CRACR2A: variants seen among roughly 807,000 people sequenced by gnomAD.
CRACR2A encodes the protein calcium release activated channel regulator 2A.
CRACR2A carries 79 observed loss-of-function variants against 90.5 expected under a neutral mutation model. The observed-to-expected ratio is 0.87, with a 90% CI of 0.73 to 1.05. CRACR2A has a LOEUF of 1.05. CRACR2A is among the 50% of genes least tolerant of loss of function. The pLI, the probability that CRACR2A is intolerant of heterozygous loss-of-function variation, is 0.00. For synonymous variants in CRACR2A, 338 were observed against 356.7 expected (o/e 0.95, Z 0.59); for missense variants, 823 against 897.2 (o/e 0.92, Z 1.06).
intron 17 of CRACR2A, among the ~76,000 whole-genome samples, chr12:3,622,630 A>ATGTGTGTG (rs141796637): frequency 6.6e-6 from 1 of 150,434 alleles, no homozygotes; most frequent in Admixed American, 6.6e-5. Context: ...GCCTATGTGC[A>ATGTGTGTG]TGTGTGTGTG....
chr12:3,659,539 C>G (rs10848906), intron 8 of CRACR2A, 25 bp downstream of exon 8: 1 of 1,610,276 alleles, frequency 6.2e-7, no homozygotes. Flanking sequence ...GGCCTCAGAG[C>G]CAAGCCTGGG....
At chr12:3,634,123 G>A (rs555290116) in intron 14 of CRACR2A, among the ~76,000 whole-genome samples, 1 of 152,158 alleles carries the variant, frequency 6.6e-6, no homozygotes, top group African/African-American at 2.4e-5. Flanking sequence ...CTTCAAGAGG[G>A]GGCAGGAATT....
Position 3,641,856 on chromosome 12 carries a change from G to T in CRACR2A, c.1165-18C>A. 6.5e-7 allele frequency: 1 copy of T among 1,549,306 alleles called. No individual in the cohort carries two copies. The highest frequency in any genetic ancestry group is 8.7e-7 in the Non-Finnish European group (1 of 1,144,874). On this transcript the variant is annotated intron_variant, in intron 12 of 19. Coordinates refer to ENST00000440314, the MANE Select transcript of CRACR2A (RefSeq NM_001144958.2). The stretch of plus-strand genomic sequence containing the variant: ...TTATTTTTCTGTAGAAACACAAAAT[G>T]TCCTCAGATCCATGCCTATTTGCTC...
intron 8 of CRACR2A, among the ~76,000 whole-genome samples, chr12:3,658,832 T>A (rs550524929): frequency 2.7e-4 from 41 of 150,818 alleles, no homozygotes; most frequent in East Asian, 7.8e-4. Flanking sequence ...TTTTTTTTTT[T>A]AAATTAGTTT....
chr12:3,692,415 C>T (rs1945663347), intron 4 of CRACR2A, among the ~76,000 whole-genome samples: 1 of 151,852 alleles, frequency 6.6e-6, no homozygotes, highest in Non-Finnish European at 1.5e-5. Context: ...CAATGCTCAG[C>T]TCCCAACTCC....
At chr12:3,667,945 T>A (rs1283214003) in intron 7 of CRACR2A, among the ~76,000 whole-genome samples, 3 of 152,226 alleles carry the variant, frequency 2.0e-5, no homozygotes, top group Non-Finnish European at 4.4e-5. Flanking sequence ...AAATTGCCGA[T>A]TGGATTTTCA....
At position 3,673,463 on chromosome 12, in the gene CRACR2A, C is replaced by G. The variant is rs567349627; in HGVS notation, c.654G>C (p.Leu218=). ...GTACCCACCTTTTTAGGGCACACTCCAGTTCATTCTTCTCCTCATGGGCTT... is the reference window on the plus strand; with the variant it reads ...GTACCCACCTTTTTAGGGCACACTCGAGTTCATTCTTCTCCTCATGGGCTT... ...LQEAHEEKNE[L]ECALKRKIAA... Residue 218 remains leucine, a synonymous_variant, in exon 7 of 20, where the codon CTG becomes CTC. Coordinates refer to ENST00000440314, the MANE Select transcript of CRACR2A (RefSeq NM_001144958.2). 5 of 1,613,818 alleles carry G rather than the reference C, an allele frequency of 3.1e-6. No homozygotes were observed. The South Asian group carries it at 3.3e-5, about 11-fold the overall frequency.
chr12:3,640,665 C>T (rs1238955088), intron 13 of CRACR2A: 3 of 1,305,434 alleles, frequency 2.3e-6, no homozygotes, highest in South Asian at 2.5e-5. Flanking sequence ...AGCTGATTTA[C>T]ATCTCCAGAG....
intron 4 of CRACR2A, among the ~76,000 whole-genome samples, chr12:3,695,974 G>C (rs1945732718): frequency 6.6e-6 from 1 of 152,256 alleles, no homozygotes; most frequent in Admixed American, 6.5e-5. Context: ...GGTGTGGCTA[G>C]TGAGTTAAGC....
chr12:3,638,667 G>C (rs528088252), intron 13 of CRACR2A, among the ~76,000 whole-genome samples: 2 of 152,310 alleles, frequency 1.3e-5, no homozygotes, highest in Admixed American at 1.3e-4. Flanking sequence ...TGCTGTGGCA[G>C]ATGATGACAA....
chr12:3,750,551 C>T (rs891418581), intron 1 of CRACR2A, among the ~76,000 whole-genome samples: 23 of 152,294 alleles, frequency 1.5e-4, no homozygotes, highest in Admixed American at 3.3e-4. Context: ...GGGAAACATA[C>T]GAGGGAAACA....
chr12:3,629,513 A>G (rs1380810527), intron 15 of CRACR2A, among the ~76,000 whole-genome samples: 1 of 152,230 alleles, frequency 6.6e-6, no homozygotes, highest in Non-Finnish European at 1.5e-5. Flanking sequence ...ATACAGCTTC[A>G]GGGCCAGATC....
intron 2 of CRACR2A, among the ~76,000 whole-genome samples, chr12:3,720,416 GAAGAAAGAAAGAAAGAAAGAAAGA>G (rs554793478): frequency 0.15 from 16,352 of 106,696 alleles, 1,230 homozygotes; most frequent in Middle Eastern, 0.25. Flanking sequence ...TGAGAGAGAG[GAAGAAAGAAAGAAAGAAAGAAAGA>G]AAGAAAGAAA....
chr12:3,673,393 G>A, intron 7 of CRACR2A, 53 bp downstream of exon 7: 1 of 1,570,100 alleles, frequency 6.4e-7, no homozygotes, highest in Non-Finnish European at 8.6e-7. Flanking sequence ...TGCACCGTGT[G>A]TCTCTCTTTT....
At chr12:3,675,635 T>G (rs1030781826) in intron 6 of CRACR2A, among the ~76,000 whole-genome samples, 1 of 152,176 alleles carries the variant, frequency 6.6e-6, no homozygotes, top group African/African-American at 2.4e-5. Context: ...AATTACGCCA[T>G]TATTTGTTTT....
At chr12:3,664,880 G>A (rs539123884) in intron 7 of CRACR2A, among the ~76,000 whole-genome samples, 25 of 152,298 alleles carry the variant, frequency 1.6e-4, no homozygotes, top group African/African-American at 5.5e-4. Context: ...GGTGGTACAC[G>A]TCTGTAGCCC....
intron 7 of CRACR2A, 98 bp downstream of exon 7, chr12:3,673,348 T>C: frequency 1.4e-6 from 2 of 1,445,466 alleles, no homozygotes; most frequent in South Asian, 2.7e-5. Context: ...AAAGGAGGCA[T>C]TGCACGATGT....
intron 3 of CRACR2A, among the ~76,000 whole-genome samples, chr12:3,704,503 C>A (rs1945885174): frequency 1.3e-5 from 2 of 152,104 alleles, no homozygotes; most frequent in African/African-American, 4.8e-5. Context: ...CATACACACA[C>A]ACATATACAC....
intron 4 of CRACR2A, among the ~76,000 whole-genome samples, chr12:3,684,197 T>C (rs1381018298): frequency 1.3e-5 from 2 of 152,156 alleles, no homozygotes; most frequent in Non-Finnish European, 2.9e-5. Flanking sequence ...GTCCCTCCTT[T>C]TGGGGCAATC....
Sources: gnomAD v4.1 joint callset for allele counts (sites outside exome capture counted in the v4.1 genomes callset) on GRCh38, gnomAD v4.1.1 for gene constraint, MANE v1.5 for transcripts, NCBI Gene and HGNC (gene_info 2026-07-23, HGNC 2026-07-21) for gene names.